Variants in RNLS observed in about 807,000 individuals in gnomAD.
RNLS encodes the protein renalase, FAD dependent amine oxidase.
Under a neutral mutation model 39.8 loss-of-function variants are expected in RNLS, and 39 were observed. The ratio of observed to expected loss-of-function variants is 0.98; its 90% CI spans 0.76 to 1.28. RNLS has a LOEUF of 1.28. RNLS is among the 50% of genes most tolerant of loss of function. The pLI is 0.00. For synonymous variants in RNLS, 147 were observed against 150.7 expected, an observed-to-expected ratio of 0.98 and a Z score of 0.18; for missense variants, 410 against 413.3, an observed-to-expected ratio of 0.99 and a Z score of 0.07.
chr10:88,466,691 T>C (rs1172795518), intron 4 of RNLS, among the ~76,000 whole-genome samples: 1 of 152,100 alleles, frequency 6.6e-6, no homozygotes, highest in Non-Finnish European at 1.5e-5. Flanking sequence ...TCTTATTGAG[T>C]TGTGACCCCA....
At chr10:88,271,605 G>A (rs944513678), downstream of RNLS, among the ~76,000 whole-genome samples, 2 of 152,152 alleles carry the variant, frequency 1.3e-5, no homozygotes, top group African/African-American at 4.8e-5. Flanking sequence ...AGCACAGCAG[G>A]CTCTTGGGTT....
At chr10:88,426,319 C>T (rs559640412) in intron 4 of RNLS, among the ~76,000 whole-genome samples, 1 of 152,142 alleles carries the variant, frequency 6.6e-6, no homozygotes, top group East Asian at 1.9e-4. Context: ...GTGGGAAACA[C>T]AGAATAGAGG....
At chr10:88,434,312 T>A (rs1855324923) in intron 4 of RNLS, among the ~76,000 whole-genome samples, 1 of 152,074 alleles carries the variant, frequency 6.6e-6, no homozygotes, top group African/African-American at 2.4e-5. Flanking sequence ...ATTAACAAGA[T>A]AATTTTGAAA....
At chr10:88,451,407 C>T (rs10749590) in intron 4 of RNLS, among the ~76,000 whole-genome samples, 107,950 of 151,942 alleles carry the variant, frequency 0.71, 39,474 homozygotes, top group African/African-American at 0.89. Context: ...TTGTAGCGTA[C>T]GTCTAGAGCC....
intron 4 of RNLS, among the ~76,000 whole-genome samples, chr10:88,449,564 CA>C (rs1397767210): frequency 2.6e-5 from 4 of 152,134 alleles, no homozygotes; most frequent in Non-Finnish European, 4.4e-5. Flanking sequence ...TCATGAAGGG[CA>C]AGGACTCTCA....
At chr10:88,241,626 G>C in the RNLS span, among the ~76,000 whole-genome samples, 1 of 151,916 alleles carries the variant, frequency 6.6e-6, no homozygotes, top group South Asian at 2.1e-4. Flanking sequence ...ATTCATTCTT[G>C]ACACCACCAC....
chr10:88,172,842 G>T, the RNLS span, among the ~76,000 whole-genome samples: 277 of 43,736 alleles, frequency 6.3e-3, 3 homozygotes, highest in African/African-American at 0.02. Flanking sequence ...ATTTTGAGTT[G>T]TTTTTTTTTT....
intron 4 of RNLS, among the ~76,000 whole-genome samples, chr10:88,438,645 A>G (rs1261842049): frequency 1.3e-5 from 2 of 152,172 alleles, no homozygotes; most frequent in Non-Finnish European, 2.9e-5. Flanking sequence ...TGGGTGGGTG[A>G]TCTGAGTTTG....
chr10:88,199,909 C>G, the RNLS span, among the ~76,000 whole-genome samples: 1 of 152,132 alleles, frequency 6.6e-6, no homozygotes, highest in Non-Finnish European at 1.5e-5. Context: ...CAGGAGGATC[C>G]CTTCAGCCCA....
At chr10:88,205,306 T>G in the RNLS span, among the ~76,000 whole-genome samples, 1,508 of 152,180 alleles carry the variant, frequency 9.9e-3, 16 homozygotes, top group African/African-American at 0.03. Context: ...TAAAATTGAG[T>G]TAAACTAATT....
chr10:88,484,185 A>G (rs948180308), intron 4 of RNLS, among the ~76,000 whole-genome samples: 8 of 152,208 alleles, frequency 5.3e-5, no homozygotes, highest in African/African-American at 1.9e-4. Flanking sequence ...TGAGGGTTTT[A>G]GTAATAGCTT....
At chr10:88,582,411 T>C in intron 1 of RNLS, 104 bp from the exon 2 acceptor site, 1 of 831,294 alleles carries the variant, frequency 1.2e-6, no homozygotes, top group East Asian at 2.8e-5. Context: ...CAAAAATATC[T>C]TAAGAAACTT....
At chr10:88,245,840 G>T in the RNLS span, among the ~76,000 whole-genome samples, 4 of 152,152 alleles carry the variant, frequency 2.6e-5, no homozygotes, top group Non-Finnish European at 4.4e-5. Context: ...CCGAAGGCTT[G>T]ATTCCTGATT....
intron 5 of RNLS, among the ~76,000 whole-genome samples, chr10:88,349,258 C>T (rs1848511892): frequency 6.6e-6 from 1 of 152,126 alleles, no homozygotes; most frequent in Admixed American, 6.5e-5. Flanking sequence ...TACTTTCATT[C>T]CATCTCTGGC....
chr10:88,278,397 G>A (rs1842889448), intron 6 of RNLS, among the ~76,000 whole-genome samples: 1 of 152,168 alleles, frequency 6.6e-6, no homozygotes, highest in Admixed American at 6.5e-5. Flanking sequence ...AGAAGTGGGT[G>A]CAACTAACTC....
At chr10:88,509,866 CT>C (rs1300092590) in intron 4 of RNLS, among the ~76,000 whole-genome samples, 3 of 152,112 alleles carry the variant, frequency 2.0e-5, no homozygotes, top group Non-Finnish European at 4.4e-5. Flanking sequence ...CTCAAATATC[CT>C]TAAAAGCAAT....
chr10:88,265,169 C>T, the RNLS span, among the ~76,000 whole-genome samples: 13 of 152,074 alleles, frequency 8.5e-5, no homozygotes, highest in Non-Finnish European at 1.3e-4. Context: ...TTTCTGGGTT[C>T]GCTTTTCTGT....
intron 1 of RNLS, 65 bp from the exon 2 acceptor site, chr10:88,582,372 CACCT>C: frequency 5.5e-6 from 7 of 1,276,472 alleles, no homozygotes; most frequent in Non-Finnish European, 6.6e-6. Context: ...TAATTCAATG[CACCT>C]TAGGTTACCC....
chr10:88,327,792 G>A (rs1275537793), intron 5 of RNLS, among the ~76,000 whole-genome samples: 2 of 152,144 alleles, frequency 1.3e-5, no homozygotes, highest in African/African-American at 2.4e-5. Flanking sequence ...TAGTAGAGAC[G>A]GAGTTTCACC....
Sources: allele counts gnomAD v4.1 joint callset (sites outside exome capture counted in the v4.1 genomes callset), GRCh38; gene constraint gnomAD v4.1.1; transcripts MANE v1.5; gene names NCBI Gene and HGNC (gene_info 2026-07-23, HGNC 2026-07-21).